Variants in SYN3 observed in about 807,000 individuals in gnomAD.
SYN3 encodes the protein synapsin-3.
Under a neutral mutation model 65.8 loss-of-function variants are expected in SYN3, and 35 were observed. That is an observed-to-expected ratio of 0.53 (90% CI 0.41 to 0.70). The LOEUF (loss-of-function observed/expected upper bound fraction) is 0.70, where lower values mean the gene tolerates loss of function less well. Ranked by LOEUF, SYN3 falls within the 30% of genes least tolerant of loss-of-function variation. The pLI, the probability that SYN3 is intolerant of heterozygous loss-of-function variation, is 0.00. For synonymous variants in SYN3, 270 were observed against 292.9 expected (o/e 0.92, Z 0.80); for missense variants, 680 against 749.0 (o/e 0.91, Z 1.08).
At position 32,643,758 on chromosome 22, in the gene SYN3, A is replaced by G. The variant is rs550868779; in HGVS notation, c.712-47022T>C. Among the ~76,000 whole-genome samples the G allele has an allele frequency of 7.2e-5, 11 of 152,132 alleles. No homozygotes were observed. In the East Asian group the frequency reaches 1.9e-3, roughly 27 times the overall value. On this transcript the variant is annotated intron_variant, in intron 6 of 13. Transcript: ENST00000358763. ...ATGGAGGTAACAATACTTCTCCTAT[A>G]GGACAGTTCAGAGCATTTACTGAGA...
chr22:32,913,361 T>C (rs966555607), intron 4 of SYN3, among the ~76,000 whole-genome samples: 6 of 152,020 alleles, frequency 3.9e-5, no homozygotes, highest in Admixed American at 2.0e-4. Flanking sequence ...GGTTTCACCA[T>C]GTTAGCTAGG....
At chr22:33,050,479 CAA>C (rs58653594) in intron 1 of SYN3, among the ~76,000 whole-genome samples, 30,856 of 108,386 alleles carry the variant, frequency 0.28, 3,319 homozygotes, top group Non-Finnish European at 0.33. Context: ...GAGACTGTTT[CAA>C]AAAAAAAAAA....
At chr22:33,045,459 CTTTTTTTTTTTT>C (rs745442160) in intron 1 of SYN3, among the ~76,000 whole-genome samples, 2 of 84,696 alleles carry the variant, frequency 2.4e-5, no homozygotes, top group Non-Finnish European at 4.7e-5. Context: ...GCTCTACTTT[CTTTTTTTTTTTT>C]TTTTTTTTTT....
At chr22:32,550,307 A>T (rs983870041) in intron 7 of SYN3, among the ~76,000 whole-genome samples, 53 of 151,972 alleles carry the variant, frequency 3.5e-4, no homozygotes, top group African/African-American at 1.3e-3. Flanking sequence ...TTTATTTCTT[A>T]ACAGCCTGAT....
chr22:32,876,147 C>T (rs1384238983), intron 4 of SYN3, among the ~76,000 whole-genome samples: 1 of 152,122 alleles, frequency 6.6e-6, no homozygotes, highest in Non-Finnish European at 1.5e-5. Flanking sequence ...TATCGAGGCA[C>T]CATCACATTT....
At chr22:32,818,788 G>T (rs1464907251) in intron 6 of SYN3, among the ~76,000 whole-genome samples, 1 of 152,192 alleles carries the variant, frequency 6.6e-6, no homozygotes, top group Non-Finnish European at 1.5e-5. Flanking sequence ...TGGAGAAGGG[G>T]AAGTGACTGG....
chr22:32,871,229 C>A (rs2048841882), intron 4 of SYN3, among the ~76,000 whole-genome samples: 1 of 152,190 alleles, frequency 6.6e-6, no homozygotes, highest in Admixed American at 6.5e-5. Context: ...AACACCAAAC[C>A]TGGCTATCTA....
At chr22:32,582,205 CT>C (rs1326142518) in intron 7 of SYN3, among the ~76,000 whole-genome samples, 1 of 152,188 alleles carries the variant, frequency 6.6e-6, no homozygotes, top group Non-Finnish European at 1.5e-5. Flanking sequence ...GGGCTTCTGA[CT>C]CATGGTAATG....
At chr22:32,615,140 G>C (rs116061752) in intron 6 of SYN3, among the ~76,000 whole-genome samples, 2 of 152,170 alleles carry the variant, frequency 1.3e-5, no homozygotes, top group Non-Finnish European at 2.9e-5. Context: ...GGCCGGGTGC[G>C]AGTGGCTCAT....
intron 6 of SYN3, among the ~76,000 whole-genome samples, chr22:32,827,465 CAT>C (rs142519605): frequency 0.017 from 2,514 of 152,310 alleles, 42 homozygotes; most frequent in Middle Eastern, 0.044. Context: ...GATTTTAAAA[CAT>C]GTGATGATAT....
intron 6 of SYN3, among the ~76,000 whole-genome samples, chr22:32,666,675 C>A (rs2060294053): frequency 6.6e-6 from 1 of 152,236 alleles, no homozygotes; most frequent in South Asian, 2.1e-4. Context: ...CATCTCCCAT[C>A]CCTGATTTTT....
At chr22:32,651,131 A>G (rs2060064357) in intron 6 of SYN3, among the ~76,000 whole-genome samples, 1 of 152,164 alleles carries the variant, frequency 6.6e-6, no homozygotes, top group Non-Finnish European at 1.5e-5. Context: ...GAAGACAGAC[A>G]AGGGCTCTGT....
At chr22:32,556,839 T>TGG in intron 7 of SYN3, among the ~76,000 whole-genome samples, 2 of 132,010 alleles carry the variant, frequency 1.5e-5, no homozygotes, top group African/African-American at 2.9e-5. Flanking sequence ...TTTTTTTGTG[T>TGG]GTAGAGATGG....
intron 4 of SYN3, among the ~76,000 whole-genome samples, chr22:32,895,779 G>A (rs1051988058): frequency 5.9e-5 from 9 of 152,124 alleles, no homozygotes; most frequent in African/African-American, 1.9e-4. Flanking sequence ...TTAGATGCAC[G>A]GCTCTGAGTG....
intron 6 of SYN3, among the ~76,000 whole-genome samples, chr22:32,787,533 C>T (rs991442171): frequency 2.0e-5 from 3 of 152,166 alleles, no homozygotes; most frequent in Admixed American, 1.3e-4. Flanking sequence ...ATGTCTACCT[C>T]ACTGGGTTGT....
In SYN3 at chr22:32,604,787, CG is replaced by C. The variant is rs530435340; in HGVS notation, c.712-8052del. On this transcript the variant is annotated intron_variant, in intron 6 of 13. Coordinates refer to ENST00000358763, the MANE Select transcript of SYN3 (RefSeq NM_003490.4). ...TTGGGAGGCTGAGGCGGGCAGATGA[CG>C]AGGTCAGGAGATCGAGACCATCCTG... is the stretch of plus-strand genomic sequence containing the variant. 3.0e-3 allele frequency among the ~76,000 whole-genome samples: 455 copies of C among 152,026 alleles called. 5 individuals are homozygous for C. The highest frequency in any genetic ancestry group is 0.01 in the African/African-American group (423 of 41,480).
intron 3 of SYN3, among the ~76,000 whole-genome samples, chr22:32,944,812 A>T (rs997703179): frequency 3.3e-5 from 5 of 152,224 alleles, no homozygotes; most frequent in African/African-American, 1.2e-4. Context: ...CTCAGCCCAA[A>T]ATCTCCTTAA....
intron 6 of SYN3, among the ~76,000 whole-genome samples, chr22:32,609,834 T>G (rs1207926725): frequency 1.3e-5 from 2 of 152,152 alleles, no homozygotes; most frequent in African/African-American, 4.8e-5. Flanking sequence ...AACCTTTTAA[T>G]GTAATTCAGT....
chr22:32,906,426 C>G (rs944236526), intron 4 of SYN3, among the ~76,000 whole-genome samples: 3 of 152,178 alleles, frequency 2.0e-5, no homozygotes, highest in Non-Finnish European at 2.9e-5. Flanking sequence ...TCCTTAGATG[C>G]CCTATTCATT....
Sources: gnomAD v4.1 joint callset for allele counts (sites outside exome capture counted in the v4.1 genomes callset) on GRCh38, gnomAD v4.1.1 for gene constraint, MANE v1.5 for transcripts, NCBI Gene and HGNC (gene_info 2026-07-23, HGNC 2026-07-21) for gene names.